The following RGPD6 variants were observed in gnomAD, a reference collection of about 807,000 sequenced individuals.
RGPD6 encodes the protein RANBP2 like and GRIP domain containing 6, also known as RANBP2-like and GRIP domain-containing protein 5/6.
chr2:110,605,549 G>A, the RGPD6 span, among the ~76,000 whole-genome samples: 1 of 151,528 alleles, frequency 6.6e-6, no homozygotes, highest in African/African-American at 2.4e-5. Context: ...GCAGCTGGAG[G>A]AAAGGGTAGA....
the RGPD6 span, among the ~76,000 whole-genome samples, chr2:110,592,949 T>C: frequency 6.8e-6 from 1 of 147,014 alleles, no homozygotes; most frequent in Non-Finnish European, 1.5e-5. Flanking sequence ...CCAAGGTTAT[T>C]CTACTGTTGA....
chr2:110,594,041 T>C, the RGPD6 span, among the ~76,000 whole-genome samples: 6,728 of 121,032 alleles, frequency 0.056, 1 homozygote, highest in South Asian at 0.082. Context: ...AAAAGGATTA[T>C]ATACCATAAC....
the RGPD6 span, among the ~76,000 whole-genome samples, chr2:110,607,596 CTG>C: frequency 6.7e-6 from 1 of 149,794 alleles, no homozygotes; most frequent in East Asian, 2.0e-4. Flanking sequence ...AGGACACTCT[CTG>C]TGACTGCAAG....
chr2:110,599,915 T>C, the RGPD6 span, among the ~76,000 whole-genome samples: 7 of 127,288 alleles, frequency 5.5e-5, no homozygotes, highest in Non-Finnish European at 1.2e-4. Context: ...CAAGGATTGG[T>C]TCTCAAAAGC....
the RGPD6 span, among the ~76,000 whole-genome samples, chr2:110,606,829 T>G: frequency 6.6e-6 from 1 of 151,622 alleles, no homozygotes; most frequent in African/African-American, 2.4e-5. Flanking sequence ...TAACTCAATT[T>G]TTCCTCTTTC....
chr2:110,604,361 T>C, the RGPD6 span, among the ~76,000 whole-genome samples: 2 of 146,800 alleles, frequency 1.4e-5, no homozygotes, highest in South Asian at 4.5e-4. Context: ...GACACTTTTA[T>C]TACTTAACGT....
the RGPD6 span, chr2:110,610,890 C>T: frequency 2.4e-4 from 196 of 821,584 alleles, no homozygotes; most frequent in Middle Eastern, 5.0e-3. Flanking sequence ...CGCGCCAGAG[C>T]GGCCGCCGCC....
the RGPD6 span, among the ~76,000 whole-genome samples, chr2:110,604,510 A>C: frequency 6.9e-6 from 1 of 145,850 alleles, no homozygotes; most frequent in East Asian, 2.0e-4. Context: ...TGAATTCAGA[A>C]ACCTCAATTA....
chr2:110,611,056 C>G, the RGPD6 span: 6 of 957,348 alleles, frequency 6.3e-6, no homozygotes, highest in Non-Finnish European at 7.3e-6. Context: ...CCACCGCCCC[C>G]GGCCCTGCGC....
chr2:110,589,506 A>C, the RGPD6 span, among the ~76,000 whole-genome samples: 8 of 152,142 alleles, frequency 5.3e-5, no homozygotes, highest in African/African-American at 1.5e-4. Context: ...TGCTACGAGA[A>C]AGTCTATGTC....
At chr2:110,609,639 GA>G in the RGPD6 span, among the ~76,000 whole-genome samples, 65 of 133,096 alleles carry the variant, frequency 4.9e-4, 1 homozygote, top group East Asian at 7.9e-3. Context: ...AAAGCAAAAG[GA>G]AAAAAAAAAC....
chr2:110,601,305 G>A, the RGPD6 span, among the ~76,000 whole-genome samples: 1 of 142,500 alleles, frequency 7.0e-6, no homozygotes, highest in Non-Finnish European at 1.5e-5. Flanking sequence ...GCATCTAAAG[G>A]TCAGAACCTA....
At chr2:110,609,822 T>G in the RGPD6 span, among the ~76,000 whole-genome samples, 9 of 93,558 alleles carry the variant, frequency 9.6e-5, no homozygotes, top group African/African-American at 1.7e-4. Flanking sequence ...ATTTAAGAGA[T>G]AGTGGGGGGT....
At chr2:110,599,933 C>T in the RGPD6 span, among the ~76,000 whole-genome samples, 1 of 139,384 alleles carries the variant, frequency 7.2e-6, no homozygotes, top group Non-Finnish European at 1.6e-5. Flanking sequence ...AGCAGCTATG[C>T]CATGTTCTGG....
chr2:110,592,412 GA>G, the RGPD6 span, among the ~76,000 whole-genome samples: 28 of 139,814 alleles, frequency 2.0e-4, no homozygotes, highest in Admixed American at 1.9e-3. Flanking sequence ...ATATGTTAAG[GA>G]AACCACAGAA....
the RGPD6 span, among the ~76,000 whole-genome samples, chr2:110,594,028 T>C: frequency 3.6e-5 from 5 of 137,540 alleles, no homozygotes; most frequent in Non-Finnish European, 6.1e-5. Context: ...TCCAGTGATA[T>C]ATAAAAGGAT....
the RGPD6 span, among the ~76,000 whole-genome samples, chr2:110,606,039 T>C: frequency 6.6e-6 from 1 of 151,694 alleles, no homozygotes; most frequent in African/African-American, 2.4e-5. Flanking sequence ...TTGACCCCTG[T>C]ACAGCAGGGT....
chr2:110,606,812 C>T, the RGPD6 span, among the ~76,000 whole-genome samples: 4 of 151,480 alleles, frequency 2.6e-5, no homozygotes, highest in South Asian at 2.1e-4. Flanking sequence ...AGCCTTTTTT[C>T]GTTTTTTAAC....
chr2:110,603,611 G>C, the RGPD6 span, among the ~76,000 whole-genome samples: 1 of 50,154 alleles, frequency 2.0e-5, no homozygotes, highest in East Asian at 4.5e-4. Context: ...TTTGATTCCT[G>C]CTACCCTGTG....
Sources: gnomAD v4.1 joint callset for allele counts (sites outside exome capture counted in the v4.1 genomes callset) on GRCh38, gnomAD v4.1.1 for gene constraint, MANE v1.5 for transcripts, NCBI Gene and HGNC (gene_info 2026-07-23, HGNC 2026-07-21) for gene names.